The following JMJD1C variants were observed in gnomAD, a reference collection of about 807,000 sequenced individuals.
JMJD1C encodes the protein jumonji domain containing 1C.
In JMJD1C, 31 loss-of-function variants were observed where a neutral mutation model predicts 245.3. The ratio of observed to expected loss-of-function variants is 0.13; its 90% CI spans 0.09 to 0.17. JMJD1C has a LOEUF of 0.17. Among genes scored for constraint, JMJD1C ranks in the 10% least tolerant of loss-of-function variants. The pLI is 1.00. For synonymous variants in JMJD1C, 1,057 were observed against 1,017.4 expected (o/e 1.04, Z -0.74); for missense variants, 2,691 against 3,000.2 (o/e 0.90, Z 2.41).
chr10:63,462,170 A>G (rs967077735), intron 1 of JMJD1C, among the ~76,000 whole-genome samples: 1 of 152,214 alleles, frequency 6.6e-6, no homozygotes, highest in African/African-American at 2.4e-5. Flanking sequence ...AAAGGCTTAG[A>G]TATTTTGTTA....
intron 1 of JMJD1C, among the ~76,000 whole-genome samples, chr10:63,439,130 A>G (rs900849749): frequency 6.6e-6 from 1 of 152,176 alleles, no homozygotes; most frequent in African/African-American, 2.4e-5. Context: ...ACTAAATAAC[A>G]CTGATATTTG....
intron 1 of JMJD1C, among the ~76,000 whole-genome samples, chr10:63,417,874 T>C (rs1949893682): frequency 6.6e-6 from 1 of 152,234 alleles, no homozygotes; most frequent in Non-Finnish European, 1.5e-5. Flanking sequence ...GGTATCATTT[T>C]CCTGTGTAAC....
In JMJD1C at chr10:63,189,455, G is replaced by GA. The variant is rs544671297; in HGVS notation, c.6292-10dup. The GA allele has an allele frequency of 2.5e-6, 4 of 1,573,658 alleles. No individual in the cohort carries two copies. Among genetic ancestry groups the GA allele is most frequent in the African/African-American group, 1.4e-5 (1 of 72,286 alleles). On this transcript the variant is annotated splice_polypyrimidine_tract_variant and intron_variant, in intron 17 of 25. Transcript: ENST00000399262. ...CGTCCACTTTTGCTACTCTATTAAG[G>GA]AAAAAACAAAACAAAAAAAACCTGT...
chr10:63,255,448 T>C (rs999881857), intron 3 of JMJD1C, among the ~76,000 whole-genome samples: 2 of 152,146 alleles, frequency 1.3e-5, no homozygotes, highest in Non-Finnish European at 2.9e-5. Context: ...GTTAGCAGAA[T>C]AAACCCGTCA....
chr10:63,389,340 A>G (rs956352973), intron 1 of JMJD1C, among the ~76,000 whole-genome samples: 2 of 150,696 alleles, frequency 1.3e-5, no homozygotes, highest in African/African-American at 2.4e-5. Flanking sequence ...AAAAAGAAAA[A>G]AGATCTAAAT....
intron 1 of JMJD1C, among the ~76,000 whole-genome samples, chr10:63,463,658 AT>A (rs1044905074): frequency 3.9e-5 from 6 of 152,370 alleles, no homozygotes; most frequent in South Asian, 2.1e-4. Context: ...ATAAAGACAG[AT>A]TAAAAAAACT....
chr10:63,173,017 G>C (rs72829157), intron 24 of JMJD1C, among the ~76,000 whole-genome samples: 30,405 of 151,032 alleles, frequency 0.2, 4,003 homozygotes, highest in Non-Finnish European at 0.29. Flanking sequence ...TAGCAGCAGG[G>C]ACACAAGTGT....
intron 2 of JMJD1C, among the ~76,000 whole-genome samples, chr10:63,358,213 T>C (rs889418082): frequency 2.0e-5 from 3 of 152,048 alleles, no homozygotes; most frequent in Non-Finnish European, 4.4e-5. Flanking sequence ...ATACGAAAAT[T>C]TTTTCACAGA....
At chr10:63,402,203 A>T (rs1434088344) in intron 1 of JMJD1C, among the ~76,000 whole-genome samples, 1 of 152,136 alleles carries the variant, frequency 6.6e-6, no homozygotes, top group African/African-American at 2.4e-5. Flanking sequence ...ACAAAGGGCT[A>T]AAAAATGGTC....
rs147590139 is a variant in JMJD1C, at chr10:63,520,475, T to C, written n.113+1263A>G. 3.3e-3 allele frequency among the ~76,000 whole-genome samples: 472 copies of C among 141,364 alleles called. 2 individuals are homozygous for C. The highest frequency in any genetic ancestry group is 0.012 in the African/African-American group (457 of 38,304). 92.7% of individuals were successfully genotyped at this position (141,364 alleles called of 152,430 possible). ...GGAAAAAATAAAAATATCTAAACTT[T>C]AACATCATTTTCTCAATTTGGTACT... On this transcript the variant is annotated intron_variant and non_coding_transcript_variant, in intron 1 of 3. Transcript: ENST00000633035.
At chr10:63,260,755 A>ATT (rs35843321) in intron 3 of JMJD1C, among the ~76,000 whole-genome samples, 19 of 150,742 alleles carry the variant, frequency 1.3e-4, no homozygotes, top group South Asian at 2.1e-4. Context: ...ACGCCGGTTA[A>ATT]TTTTTTTTTG....
intron 2 of JMJD1C, among the ~76,000 whole-genome samples, chr10:63,265,335 TAG>T (rs1289699280): frequency 1.6e-5 from 2 of 127,320 alleles, no homozygotes; most frequent in African/African-American, 3.1e-5. Flanking sequence ...AGGAAGGGAG[TAG>T]AGAGAGTCCG....
In JMJD1C at chr10:63,184,617, T is replaced by C. The variant is rs749337724; in HGVS notation, c.6952A>G (p.Ser2318Gly). The C allele has an allele frequency of 6.2e-7, 1 of 1,605,122 alleles. No homozygotes were observed. Among genetic ancestry groups the C allele is most frequent in the East Asian group, 2.2e-5 (1 of 44,784 alleles). Reference protein sequence around the residue: ...VRPDLGPRLCSAYGVVAAKDH... With the variant: ...VRPDLGPRLCGAYGVVAAKDH... ...GTGAATATATACCTACCATAGGCAC[T>C]GCACAACCTGGGTCCTAGATCAGGA... Residue 2318 changes from serine (S) to glycine (G), a missense_variant, in exon 21 of 26, where the codon AGT becomes GGT. Around this residue, in one of 9 missense-constraint regions of JMJD1C, gnomAD observed 232 missense variants for 416.1 expected, o/e 0.56. Coordinates refer to ENST00000399262, the MANE Select transcript of JMJD1C (RefSeq NM_032776.3).
chr10:63,299,291 C>T (rs1175696301), intron 2 of JMJD1C, among the ~76,000 whole-genome samples: 1 of 152,034 alleles, frequency 6.6e-6, no homozygotes, highest in African/African-American at 2.4e-5. Context: ...AAGCGATTCT[C>T]GCCCCTCAAG....
chr10:63,512,045 T>C (rs566425473), intron 1 of JMJD1C, among the ~76,000 whole-genome samples: 1 of 152,346 alleles, frequency 6.6e-6, no homozygotes, highest in African/African-American at 2.4e-5. Context: ...AAGTACCTTA[T>C]AATAACCAAA....
At chr10:63,336,419 C>A (rs1942738909) in intron 2 of JMJD1C, among the ~76,000 whole-genome samples, 1 of 152,204 alleles carries the variant, frequency 6.6e-6, no homozygotes, top group South Asian at 2.1e-4. Context: ...GATTGCACTA[C>A]TGAACTCCAG....
At chr10:63,314,572 T>C (rs1189115026) in intron 2 of JMJD1C, among the ~76,000 whole-genome samples, 1 of 151,424 alleles carries the variant, frequency 6.6e-6, no homozygotes, top group East Asian at 1.9e-4. Context: ...AACTATATTT[T>C]CCAAACAATT....
intron 1 of JMJD1C, among the ~76,000 whole-genome samples, chr10:63,438,606 T>C (rs1951191670): frequency 6.6e-6 from 1 of 152,210 alleles, no homozygotes; most frequent in Admixed American, 6.5e-5. Context: ...CCTGCCATCC[T>C]GTTCCCCTTC....
At chr10:63,365,130 T>C (rs1482546637) in intron 2 of JMJD1C, among the ~76,000 whole-genome samples, 1 of 152,240 alleles carries the variant, frequency 6.6e-6, no homozygotes, top group Non-Finnish European at 1.5e-5. Context: ...CCAACCTTTT[T>C]GGATCAGAAA....
Sources: allele counts gnomAD v4.1 joint callset (sites outside exome capture counted in the v4.1 genomes callset), GRCh38; gene constraint gnomAD v4.1.1; regional missense constraint gnomAD v4.1.1; transcripts MANE v1.5; gene names NCBI Gene and HGNC (gene_info 2026-07-23, HGNC 2026-07-21).